GRIK1: variants seen among roughly 807,000 people sequenced by gnomAD.
The protein encoded by GRIK1 is glutamate receptor ionotropic, kainate 1.
GRIK1 carries 69 observed loss-of-function variants against 105.7 expected under a neutral mutation model. That is an observed-to-expected ratio of 0.65 (90% CI 0.54 to 0.80). The LOEUF is 0.80. Ranked by LOEUF, GRIK1 falls within the 30% of genes least tolerant of loss-of-function variation. The pLI, the probability that GRIK1 is intolerant of heterozygous loss-of-function variation, is 0.00. For missense variants in GRIK1, 1,109 were observed against 1,167.3 expected, an observed-to-expected ratio of 0.95 and a Z score of 0.73; for synonymous variants, 438 against 431.3, an observed-to-expected ratio of 1.02 and a Z score of -0.19.
chr21:29,647,200 C>G (rs960073317), intron 6 of GRIK1, among the ~76,000 whole-genome samples: 6 of 152,238 alleles, frequency 3.9e-5, no homozygotes, highest in East Asian at 3.9e-4. Context: ...CAAGTAAATT[C>G]AATTCTATGT....
chr21:29,824,916 A>G (rs1173345967), intron 1 of GRIK1, among the ~76,000 whole-genome samples: 1 of 151,994 alleles, frequency 6.6e-6, no homozygotes, highest in Non-Finnish European at 1.5e-5. Context: ...CAATTGCTCT[A>G]GTGAGGAGTG....
chr21:29,910,015 C>T (rs928895307), intron 1 of GRIK1, among the ~76,000 whole-genome samples: 4 of 152,044 alleles, frequency 2.6e-5, no homozygotes, highest in African/African-American at 9.7e-5. Context: ...CTTGAATAGA[C>T]CTTTTCCATT....
chr21:29,696,246 T>C lies in GRIK1; in HGVS notation c.119-2183A>G, dbSNP rs141055398. On this transcript the variant is annotated intron_variant, in intron 1 of 17. Coordinates refer to ENST00000327783, the MANE Select transcript of GRIK1 (RefSeq NM_001330994.2). Reference sequence around the variant, plus strand: ...AATTTCCCTGGTTTCTGAGAAATCATAGTTGAAAATTGTATGACAATACAC... The same window carrying C: ...AATTTCCCTGGTTTCTGAGAAATCACAGTTGAAAATTGTATGACAATACAC... 4.1e-4 allele frequency among the ~76,000 whole-genome samples: 63 copies of C among 152,332 alleles called. No individual in the cohort carries two copies. In the East Asian group the frequency reaches 9.6e-3, roughly 23 times the overall value.
At chr21:29,603,026 T>C (rs1375559405) in intron 7 of GRIK1, among the ~76,000 whole-genome samples, 3 of 152,112 alleles carry the variant, frequency 2.0e-5, no homozygotes, top group Non-Finnish European at 2.9e-5. Context: ...GCACAATTCC[T>C]CCATTTCCCT....
chr21:29,756,737 C>T (rs1010059454), intron 1 of GRIK1, among the ~76,000 whole-genome samples: 10 of 151,960 alleles, frequency 6.6e-5, no homozygotes, highest in Non-Finnish European at 5.9e-5. Context: ...TTAGCAAAGA[C>T]ATGAAACACA....
intron 1 of GRIK1, among the ~76,000 whole-genome samples, chr21:29,799,958 T>A (rs1045244712): frequency 6.6e-6 from 1 of 152,196 alleles, no homozygotes; most frequent in African/African-American, 2.4e-5. Flanking sequence ...TTTTGTTAAG[T>A]GGAAAATAAT....
At chr21:29,570,664 G>T (rs111565426) in intron 14 of GRIK1, among the ~76,000 whole-genome samples, 4 of 152,136 alleles carry the variant, frequency 2.6e-5, no homozygotes, top group African/African-American at 9.7e-5. Flanking sequence ...CTTGATAAAT[G>T]TTCTGCCTCC....
At chr21:29,725,348 T>C (rs1601538282) in intron 1 of GRIK1, among the ~76,000 whole-genome samples, 1 of 152,252 alleles carries the variant, frequency 6.6e-6, no homozygotes, top group Non-Finnish European at 1.5e-5. Flanking sequence ...CTGTGTTTTA[T>C]GTTTTTAAAC....
intron 14 of GRIK1, among the ~76,000 whole-genome samples, chr21:29,569,928 G>T (rs1335554482): frequency 1.3e-5 from 2 of 152,240 alleles, no homozygotes; most frequent in African/African-American, 4.8e-5. Context: ...AGTTGTCTTG[G>T]ATATAAAAGA....
chr21:29,655,330 C>T lies in GRIK1; in HGVS notation c.727-467G>A, dbSNP rs188043933. Among the ~76,000 whole-genome samples, 454 of 152,188 alleles carry T rather than the reference C, an allele frequency of 3.0e-3. 3 individuals are homozygous for T. Among genetic ancestry groups the T allele is most frequent in the Non-Finnish European group, 2.5e-3 (167 of 67,994 alleles). ...GGCTGAGGCGGGAGAATCGCTTGAACCTGGGAGGCGGAGGTTGCAGTGAGC... is the reference window on the plus strand; with the variant it reads ...GGCTGAGGCGGGAGAATCGCTTGAATCTGGGAGGCGGAGGTTGCAGTGAGC... On this transcript the variant is annotated intron_variant, in intron 4 of 17. Coordinates refer to ENST00000327783, the MANE Select transcript of GRIK1 (RefSeq NM_001330994.2).
At chr21:29,638,803 C>A (rs1482912827) in intron 7 of GRIK1, among the ~76,000 whole-genome samples, 1 of 152,114 alleles carries the variant, frequency 6.6e-6, no homozygotes, top group Non-Finnish European at 1.5e-5. Context: ...TTAACAGAAC[C>A]TTTCATTTGA....
intron 1 of GRIK1, among the ~76,000 whole-genome samples, chr21:29,749,363 G>C (rs1459241535): frequency 6.6e-6 from 1 of 152,226 alleles, no homozygotes; most frequent in Admixed American, 6.5e-5. Context: ...GAAGTCAGGA[G>C]AATCAGCTTT....
intron 1 of GRIK1, among the ~76,000 whole-genome samples, chr21:29,697,871 C>CT (rs2063733932): frequency 6.6e-6 from 1 of 152,084 alleles, no homozygotes; most frequent in Non-Finnish European, 1.5e-5. Context: ...CTTTCCCTCT[C>CT]TTTTTTTCCT....
At chr21:29,674,513 G>A (rs1011733635) in intron 3 of GRIK1, among the ~76,000 whole-genome samples, 3 of 151,986 alleles carry the variant, frequency 2.0e-5, no homozygotes, top group Non-Finnish European at 2.9e-5. Context: ...ATCTTATCCC[G>A]AATTGTAATC....
chr21:29,632,507 A>C (rs1354359591), intron 7 of GRIK1, among the ~76,000 whole-genome samples: 1 of 109,058 alleles, frequency 9.2e-6, no homozygotes, highest in Non-Finnish European at 1.8e-5. Flanking sequence ...AGATACAGAC[A>C]CAAATACACA....
chr21:29,905,375 T>C (rs1315633758), intron 1 of GRIK1, among the ~76,000 whole-genome samples: 1 of 152,008 alleles, frequency 6.6e-6, no homozygotes, highest in Non-Finnish European at 1.5e-5. Flanking sequence ...ACAGTTAAAA[T>C]GGCCCAAGCA....
intron 1 of GRIK1, among the ~76,000 whole-genome samples, chr21:29,925,955 C>G (rs908990762): frequency 6.6e-6 from 1 of 152,124 alleles, no homozygotes; most frequent in African/African-American, 2.4e-5. Flanking sequence ...GCCGTAGACT[C>G]TAATTATTCT....
chr21:29,553,667 G>A, intron 16 of GRIK1: 1 of 1,606,360 alleles, frequency 6.2e-7, no homozygotes, highest in South Asian at 1.1e-5. Flanking sequence ...GGTTGGATGG[G>A]TTTGCTTACA....
rs34189201 is a variant in GRIK1, at chr21:29,674,261, AT to A, written c.545-1098del. Among the ~76,000 whole-genome samples, 562 of 135,430 alleles carry A rather than the reference AT, an allele frequency of 4.1e-3. 9 individuals carry two copies. In the East Asian group the frequency reaches 0.05, roughly 12 times the overall value. 88.8% of individuals were successfully genotyped at this position (135,430 alleles called of 152,430 possible). ...TTTTTCTTGTTTTATTTATGTAGCTATTTTTTTTTTTACCAGAAGTTACATT... is the reference window on the plus strand; with the variant it reads ...TTTTTCTTGTTTTATTTATGTAGCTATTTTTTTTTTACCAGAAGTTACATT... On this transcript the variant is annotated intron_variant, in intron 3 of 17. Coordinates refer to ENST00000327783, the MANE Select transcript of GRIK1 (RefSeq NM_001330994.2).
Sources: gnomAD v4.1 joint callset for allele counts (sites outside exome capture counted in the v4.1 genomes callset) on GRCh38, gnomAD v4.1.1 for gene constraint, MANE v1.5 for transcripts, NCBI Gene and HGNC (gene_info 2026-07-23, HGNC 2026-07-21) for gene names.